FAM110A: variants seen among roughly 807,000 people sequenced by gnomAD.
FAM110A encodes the protein protein FAM110A.
FAM110A carries 1 observed loss-of-function variant against 4.0 expected under a neutral mutation model. The ratio of observed to expected loss-of-function variants is 0.25; its 90% CI spans 0.09 to 1.20. The LOEUF (loss-of-function observed/expected upper bound fraction) is 1.20, where lower values mean the gene tolerates loss of function less well. Among genes scored for constraint, FAM110A ranks in the 50% most tolerant of loss-of-function variants. The pLI is 0.50. For synonymous variants in FAM110A, 217 were observed against 196.8 expected (o/e 1.10, Z -0.86); for missense variants, 436 against 429.2 (o/e 1.02, Z -0.14).
Position 844,796 on chromosome 20 carries a change from G to T in FAM110A, c.-9G>T. ...CCGCAGACTAAAGCCCTCGGGATAT[G>T]CAGCAGCCATGCCTGTGCACACGCT... On this transcript the variant is annotated 5_prime_UTR_variant, in exon 2 of 2. It removes an upstream start codon present in the reference 5' UTR. Coordinates refer to ENST00000381941, the MANE Select transcript of FAM110A (RefSeq NM_001042353.3). The T allele has an allele frequency of 6.9e-7, 1 of 1,451,312 alleles. No individual in the cohort carries two copies. Among genetic ancestry groups the T allele is most frequent in the Middle Eastern group, 2.5e-4 (1 of 4,070 alleles). 89.9% of individuals were successfully genotyped at this position (1,451,312 alleles called of 1,614,324 possible). A position where few individuals can be genotyped will look rare whatever the true frequency, so the allele number is the denominator to read the frequency against.
At chr20:835,620 C>T (rs1047960000) in intron 1 of FAM110A, among the ~76,000 whole-genome samples, 1 of 152,242 alleles carries the variant, frequency 6.6e-6, no homozygotes, top group African/African-American at 2.4e-5. Flanking sequence ...TAGATGTCCA[C>T]ATCCACACCC....
rs182763932 is a variant in FAM110A at position 839,267 on chromosome 20, T to C, written c.-98+5316T>C. Among the ~76,000 whole-genome samples, 343 of 152,304 alleles carry C rather than the reference T, an allele frequency of 2.3e-3. 1 individual carries two copies. The highest frequency in any genetic ancestry group is 2.8e-3 in the Non-Finnish European group (192 of 68,018). Reference sequence around the variant, plus strand: ...TGGCCTTACCTCTTGGAGCCTCAGTTTTCTCATCTGAAAATGGGCATAATA... The same window carrying C: ...TGGCCTTACCTCTTGGAGCCTCAGTCTTCTCATCTGAAAATGGGCATAATA... On this transcript the variant is annotated intron_variant, in intron 1 of 1. Coordinates refer to ENST00000381941, the MANE Select transcript of FAM110A (RefSeq NM_001042353.3).
At chr20:835,634 C>T (rs773434402) in intron 1 of FAM110A, among the ~76,000 whole-genome samples, 1 of 152,242 alleles carries the variant, frequency 6.6e-6, no homozygotes, top group Non-Finnish European at 1.5e-5. Flanking sequence ...CACACCCATT[C>T]CACAGCCTAC....
intron 1 of FAM110A, among the ~76,000 whole-genome samples, chr20:842,351 C>T (rs569299749): frequency 4.3e-4 from 65 of 152,320 alleles, no homozygotes; most frequent in Middle Eastern, 6.8e-3. Context: ...GCCCCGGCCC[C>T]GCCCGTCTGA....
Position 845,253 on chromosome 20 carries a change from CGGTCCGCCGGGT to C in FAM110A, c.452_463del (p.Val151_Val154del). 2 of 1,499,302 alleles carry C rather than the reference CGGTCCGCCGGGT, an allele frequency of 1.3e-6. No individual in the cohort carries two copies. The highest frequency in any genetic ancestry group is 1.8e-6 in the Non-Finnish European group (2 of 1,127,394). 92.9% of individuals were successfully genotyped at this position (1,499,302 alleles called of 1,614,324 possible). On this transcript the variant is annotated inframe_deletion, in exon 2 of 2. Coordinates refer to ENST00000381941, the MANE Select transcript of FAM110A (RefSeq NM_001042353.3). Reference sequence around the variant, plus strand: ...CCGCGACCGCCGCCCAGTACCTCTGCGGTCCGCCGGGTGGACGTCCGCCCCCTGCCCGCCTCG... The same window carrying C: ...CCGCGACCGCCGCCCAGTACCTCTGCGGACGTCCGCCCCCTGCCCGCCTCG...
chr20:844,715 C>T lies in FAM110A; in HGVS notation c.-90C>T. 2 of 1,336,730 alleles carry T rather than the reference C, an allele frequency of 1.5e-6. No individual in the cohort carries two copies. Among genetic ancestry groups the T allele is most frequent in the Non-Finnish European group, 1.9e-6 (2 of 1,046,538 alleles). 82.8% of individuals were successfully genotyped at this position (1,336,730 alleles called of 1,614,324 possible). Reference sequence around the variant, plus strand: ...CTCTCTCCTTCCCTGCAGCAGTGGCCGGTGTCCAGCTGCCTACTTTCTGCC... The same window carrying T: ...CTCTCTCCTTCCCTGCAGCAGTGGCTGGTGTCCAGCTGCCTACTTTCTGCC... On this transcript the variant is annotated 5_prime_UTR_variant, in exon 2 of 2. Transcript: ENST00000381941.
chr20:842,103 C>T (rs901430999), intron 1 of FAM110A, among the ~76,000 whole-genome samples: 2 of 152,254 alleles, frequency 1.3e-5, no homozygotes, highest in African/African-American at 4.8e-5. Flanking sequence ...CCTGGAGGCT[C>T]AGGAAGGTCT....
rs772444407 is a variant in FAM110A, at chr20:845,048, C to G, written c.244C>G (p.Arg82Gly). The G allele has an allele frequency of 6.3e-7, 1 of 1,593,310 alleles. No individual in the cohort carries two copies. The highest frequency in any genetic ancestry group is 1.1e-5 in the South Asian group (1 of 88,188). The stretch of plus-strand genomic sequence containing the variant: ...ACAGCCGCTCTTTAGCCCTGAGACT[C>G]GCCGCACAGTGCTCACGCCCAGCCG... ...SKQPLFSPET[R>G]RTVLTPSRRA... is the part of the protein sequence containing the mutation. The change falls in exon 2 of 2, where the codon CGC (arginine) becomes GGC (glycine). Residue 82 changes from arginine (R) to glycine (G), a missense_variant. By Grantham distance (125) the Arg-to-Gly change is moderately radical. Coordinates refer to ENST00000381941, the MANE Select transcript of FAM110A (RefSeq NM_001042353.3).
intron 1 of FAM110A, among the ~76,000 whole-genome samples, chr20:839,118 C>T (rs1477452883): frequency 1.3e-5 from 2 of 152,068 alleles, no homozygotes; most frequent in African/African-American, 4.8e-5. Context: ...CCTTGGGGGG[C>T]ACATCTGGTG....
At chr20:838,608 T>A (rs571456081) in intron 1 of FAM110A, among the ~76,000 whole-genome samples, 15 of 152,158 alleles carry the variant, frequency 9.9e-5, no homozygotes, top group African/African-American at 3.1e-4. Flanking sequence ...TTGGAGGAGA[T>A]GACATTTGAA....
Position 845,424 on chromosome 20 carries a change from A to G in FAM110A, c.620A>G (p.Asn207Ser), listed in dbSNP as rs1980269127. Residue 207 changes from asparagine to serine, a missense_variant, in exon 2 of 2, where the codon AAC (asparagine) becomes AGC (serine). Coordinates refer to ENST00000381941, the MANE Select transcript of FAM110A (RefSeq NM_001042353.3). The part of the protein sequence containing the change: ...RAAADLERFF[N>S]FCGLDPEEAR... ...GCCGCTGATCTCGAGCGCTTTTTTA[A>G]CTTCTGCGGCCTGGACCCGGAGGAG... is the stretch of plus-strand genomic sequence containing the variant. The G allele has an allele frequency of 1.2e-6, 2 of 1,613,548 alleles. No individual in the cohort carries two copies. The highest frequency in any genetic ancestry group is 2.2e-5 in the East Asian group (1 of 44,856).
In FAM110A at chr20:833,725, C is replaced by G. The variant is rs687797; in HGVS notation, c.-324C>G. On this transcript the variant is annotated 5_prime_UTR_variant, in exon 1 of 2. Coordinates refer to ENST00000381941, the MANE Select transcript of FAM110A (RefSeq NM_001042353.3). This position sits in a 1 kb window ranked among gnomAD's most constrained non-coding sequence, Gnocchi z 4.1. ...GGGGGCGGCGTGCTCACTTCCCCTTCCACGGCGCCCCAGGGACTTTCCCTG... is the reference window on the plus strand; with the variant it reads ...GGGGGCGGCGTGCTCACTTCCCCTTGCACGGCGCCCCAGGGACTTTCCCTG... The G allele has an allele frequency of 0.22, 34,050 of 152,214 alleles. 6,870 individuals carry two copies. Among genetic ancestry groups the G allele is most frequent in the African/African-American group, 0.54 (22,588 of 41,492 alleles). 9.4% of individuals were successfully genotyped at this position (152,214 alleles called of 1,614,324 possible).
rs1980331230 is a variant in FAM110A at position 845,950 on chromosome 20, C to T, written c.*258C>T. 1 of 637,210 alleles carries T rather than the reference C, an allele frequency of 1.6e-6. No individual in the cohort carries two copies. Among genetic ancestry groups the T allele is most frequent in the Non-Finnish European group, 2.6e-6 (1 of 382,696 alleles). The allele number at this position is 637,210 out of a possible 1,614,324, so 39.5% of individuals were successfully genotyped here. On this transcript the variant is annotated 3_prime_UTR_variant, in exon 2 of 2. Coordinates refer to ENST00000381941, the MANE Select transcript of FAM110A (RefSeq NM_001042353.3). ...ATACAAGGTTTTTGACATGAGTGTA[C>T]TCCTGCTTAGTTCCTCTTGTGGGGC...
Position 834,967 on chromosome 20 carries a change from G to T in FAM110A, c.-98+1016G>T, listed in dbSNP as rs931335900. On this transcript the variant is annotated intron_variant, in intron 1 of 1. Transcript: ENST00000381941. This position sits in a 1 kb window ranked among gnomAD's most constrained non-coding sequence, Gnocchi z 5.6. ...CCTGCTCTGGTTCTTGCATGTTTTG[G>T]TTTTTTTACTTATTAGCAAATGTAT... Among the ~76,000 whole-genome samples the T allele has an allele frequency of 2.0e-5, 3 of 151,976 alleles. No individual in the cohort carries two copies. The highest frequency in any genetic ancestry group is 7.3e-5 in the African/African-American group (3 of 41,344).
chr20:834,226 A>G lies in FAM110A; in HGVS notation c.-98+275A>G, dbSNP rs558980852. Among the ~76,000 whole-genome samples, 16 of 152,234 alleles carry G rather than the reference A, an allele frequency of 1.1e-4. No homozygotes were observed. The highest frequency in any genetic ancestry group is 2.4e-4 in the Non-Finnish European group (16 of 68,014). ...CTGGTAGTCATTTTCCCAGCGTTTT[A>G]TCGGCAGGGACCTGTAGACCCCTGG... is the stretch of plus-strand genomic sequence containing the variant. On this transcript the variant is annotated intron_variant, in intron 1 of 1. Coordinates refer to ENST00000381941, the MANE Select transcript of FAM110A (RefSeq NM_001042353.3). The surrounding 1 kb of genome is among the most constrained non-coding windows in gnomAD (Gnocchi z 5.6).
In FAM110A at chr20:840,565, A is replaced by G. The variant is rs1371146558; in HGVS notation, c.-97-4143A>G. On this transcript the variant is annotated intron_variant, in intron 1 of 1. Coordinates refer to ENST00000381941, the MANE Select transcript of FAM110A (RefSeq NM_001042353.3). This position sits in a 1 kb window ranked among gnomAD's most constrained non-coding sequence, Gnocchi z 4.4. The stretch of plus-strand genomic sequence containing the variant: ...AATGAGTATGGTGCCTGGCACCCCA[A>G]AATTCTAGTTATTGTTGTTACTATG... 6.6e-6 allele frequency among the ~76,000 whole-genome samples: 1 copy of G among 152,166 alleles called. No homozygotes were observed. The highest frequency in any genetic ancestry group is 1.5e-5 in the Non-Finnish European group (1 of 68,038).
rs761153475 is a variant in FAM110A at position 845,543 on chromosome 20, G to T, written c.739G>T (p.Gly247Cys). ...PSAGPGSSEG[G>C]CSRRSSVTVE... is the part of the protein sequence containing the mutation. ...TGCTGGGCCGGGCAGCTCTGAAGGG[G>T]GCTGCTCCCGCCGCAGCTCGGTGAC... is the stretch of plus-strand genomic sequence containing the variant. The change falls in exon 2 of 2, where the codon GGC becomes TGC. Residue 247 changes from glycine (G) to cysteine (C), a missense_variant. Physicochemically the swap from Gly to Cys is radical, Grantham distance 159. Transcript: ENST00000381941. 7 of 1,613,156 alleles carry T rather than the reference G, an allele frequency of 4.3e-6. No homozygotes were observed. Among genetic ancestry groups the T allele is most frequent in the Non-Finnish European group, 4.2e-6 (5 of 1,179,740 alleles).
intron 1 of FAM110A, chr20:839,568 GTA>G: frequency 2.0e-6 from 2 of 1,000,170 alleles, no homozygotes; most frequent in Non-Finnish European, 3.2e-6. Flanking sequence ...CCGTCTGTAG[GTA>G]TCTCTGTCAG....
chr20:840,065 C>T lies in FAM110A; in HGVS notation c.-97-4643C>T. ...TACGAAAATCATTATTGTTGCTTTG[C>T]TGTTACTACTATTAGCGCCTGAAGG... On this transcript the variant is annotated intron_variant, in intron 1 of 1. Coordinates refer to ENST00000381941, the MANE Select transcript of FAM110A (RefSeq NM_001042353.3). This position sits in a 1 kb window ranked among gnomAD's most constrained non-coding sequence, Gnocchi z 4.4. The T allele has an allele frequency of 3.9e-6, 3 of 760,278 alleles. No homozygotes were observed. Among genetic ancestry groups the T allele is most frequent in the Non-Finnish European group, 2.2e-6 (1 of 445,018 alleles). 47.1% of individuals were successfully genotyped at this position (760,278 alleles called of 1,614,324 possible).
Sources: allele counts gnomAD v4.1 joint callset (sites outside exome capture counted in the v4.1 genomes callset), GRCh38; gene constraint gnomAD v4.1.1; non-coding constraint Gnocchi (gnomAD v3.1); transcripts MANE v1.5; gene names NCBI Gene and HGNC (gene_info 2026-07-23, HGNC 2026-07-21).